Variants in TTC7A observed in about 807,000 individuals in gnomAD.
The protein encoded by TTC7A is tetratricopeptide repeat domain 7A, also known as tetratricopeptide repeat protein 7A.
In TTC7A, 110 loss-of-function variants were observed where a neutral mutation model predicts 103.7. That is an observed-to-expected ratio of 1.06 (90% CI 0.91 to 1.24). The LOEUF is 1.24. Among genes scored for constraint, TTC7A ranks in the 50% most tolerant of loss-of-function variants. The pLI is 0.00. For missense variants in TTC7A, 1,340 were observed against 1,116.3 expected (o/e 1.20, Z -2.86); for synonymous variants, 521 against 467.9 (o/e 1.11, Z -1.47).
At position 47,074,076 on chromosome 2, in the gene TTC7A, G is replaced by A; in HGVS notation, c.*153G>A. The A allele has an allele frequency of 1.6e-6, 1 of 634,140 alleles. No homozygotes were observed. The highest frequency in any genetic ancestry group is 2.7e-5 in the East Asian group (1 of 36,436). The allele number at this position is 634,140 out of a possible 1,614,324, so 39.3% of individuals were successfully genotyped here. A position where few individuals can be genotyped will look rare whatever the true frequency, so the allele number is the denominator to read the frequency against. ...TGCAGCTGCAGCCCTCGTTCTCTTG[G>A]CTGGGCCAAGAGGGCCTTCCTGGAT... On this transcript the variant is annotated 3_prime_UTR_variant, in exon 20 of 20. Coordinates refer to ENST00000319190, the MANE Select transcript of TTC7A (RefSeq NM_020458.4).
At chr2:46,977,933 C>T (rs917388663) in intron 4 of TTC7A, among the ~76,000 whole-genome samples, 1 of 152,170 alleles carries the variant, frequency 6.6e-6, no homozygotes, top group African/African-American at 2.4e-5. Context: ...AAAATGCAAA[C>T]AAAACCAGCC....
At chr2:46,954,502 G>A (rs1207207145) in intron 2 of TTC7A, among the ~76,000 whole-genome samples, 1 of 150,858 alleles carries the variant, frequency 6.6e-6, no homozygotes, top group African/African-American at 2.4e-5. Context: ...CTCTTACTGT[G>A]CTATAACAGA....
chr2:46,916,071 C>G, upstream of TTC7A: 11 of 985,496 alleles, frequency 1.1e-5, no homozygotes, highest in Non-Finnish European at 1.3e-5. Flanking sequence ...GCCGGAAGCC[C>G]TCAGGAACGT....
chr2:47,037,834 T>C (rs1276810048), intron 15 of TTC7A, among the ~76,000 whole-genome samples: 1 of 152,212 alleles, frequency 6.6e-6, no homozygotes, highest in East Asian at 1.9e-4. Flanking sequence ...AATGAAAGTT[T>C]GGGCAAACAT....
rs571203022 is a variant in TTC7A, at chr2:46,918,435, G to C, written c.82+1158G>C. 3.3e-5 allele frequency among the ~76,000 whole-genome samples: 5 copies of C among 152,330 alleles called. No individual in the cohort carries two copies. In the South Asian group the frequency reaches 1.0e-3, roughly 32 times the overall value. On this transcript the variant is annotated intron_variant, in intron 2 of 20. Transcript: ENST00000409245. ...AGAGAGCTTCCTAACTGACCGTCCT[G>C]CTTCCATTCTTGCCCTACTGTAGTC...
chr2:47,053,331 T>TGACTTCC (rs1364162428), intron 18 of TTC7A, among the ~76,000 whole-genome samples: 1 of 150,854 alleles, frequency 6.6e-6, no homozygotes, highest in Non-Finnish European at 1.5e-5. Flanking sequence ...ACTAAAATAA[T>TGACTTCC]GACTTCCAAC....
intron 3 of TTC7A, among the ~76,000 whole-genome samples, chr2:46,966,632 T>C (rs1176211038): frequency 5.3e-5 from 8 of 151,526 alleles, no homozygotes; most frequent in Non-Finnish European, 1.2e-4. Context: ...GAAATGGATA[T>C]CCTTGAAGCT....
intron 2 of TTC7A, among the ~76,000 whole-genome samples, chr2:46,926,644 T>C (rs1669398247): frequency 1.3e-5 from 2 of 152,230 alleles, no homozygotes; most frequent in South Asian, 4.1e-4. Context: ...AAAAAGCAAC[T>C]GGACGTCCTT....
At chr2:46,928,260 A>T (rs1194878890) in intron 2 of TTC7A, among the ~76,000 whole-genome samples, 1 of 151,848 alleles carries the variant, frequency 6.6e-6, no homozygotes, top group Non-Finnish European at 1.5e-5. Context: ...ACACCCATTT[A>T]TCATCTCACA....
chr2:46,951,577 TTCTG>T (rs947608175), intron 2 of TTC7A: 3 of 455,608 alleles, frequency 6.6e-6, no homozygotes, highest in Admixed American at 4.7e-5. Context: ...CTTTCTGTCT[TTCTG>T]TCTGTCTTTA....
chr2:47,036,893 G>C (rs967930996), intron 15 of TTC7A, among the ~76,000 whole-genome samples: 3 of 152,200 alleles, frequency 2.0e-5, no homozygotes, highest in Non-Finnish European at 4.4e-5. Flanking sequence ...ACATGGGTGA[G>C]AGACCATGTG....
At chr2:46,968,359 C>T (rs764018470) in intron 3 of TTC7A, among the ~76,000 whole-genome samples, 9 of 152,206 alleles carry the variant, frequency 5.9e-5, no homozygotes, top group East Asian at 1.9e-4. Flanking sequence ...AAGGACTGGG[C>T]GCAGGGCAGC....
At chr2:46,945,972 A>G (rs6745578) in intron 1 of TTC7A, among the ~76,000 whole-genome samples, 11,317 of 152,182 alleles carry the variant, frequency 0.074, 759 homozygotes, top group African/African-American at 0.16. Flanking sequence ...GGCTAGACCA[A>G]TGTTTCCTGA....
At chr2:47,056,334 G>C (rs188890312) in intron 18 of TTC7A, among the ~76,000 whole-genome samples, 3 of 152,208 alleles carry the variant, frequency 2.0e-5, no homozygotes, top group Non-Finnish European at 2.9e-5. Context: ...AATTCTTTTG[G>C]GGGGACTAAC....
chr2:46,937,434 C>CT (rs1224685619), upstream of TTC7A, among the ~76,000 whole-genome samples: 1 of 152,046 alleles, frequency 6.6e-6, no homozygotes, highest in Non-Finnish European at 1.5e-5. The surrounding 1 kb of genome is among the most constrained non-coding windows in gnomAD (Gnocchi z 4.0). Context: ...TCATTTTTAG[C>CT]TGAAAGCCAT....
At chr2:47,031,650 G>T (rs577454358) in intron 15 of TTC7A, among the ~76,000 whole-genome samples, 13 of 152,322 alleles carry the variant, frequency 8.5e-5, no homozygotes, top group African/African-American at 2.9e-4. Flanking sequence ...CGGGAGCACC[G>T]CTGCTCTGAT....
At chr2:47,032,016 G>A (rs564501767) in intron 15 of TTC7A, among the ~76,000 whole-genome samples, 1 of 152,302 alleles carries the variant, frequency 6.6e-6, no homozygotes, top group Admixed American at 6.5e-5. Context: ...CGGGCAGTGT[G>A]TGCCCCTGCT....
rs200447823 is a variant in TTC7A, at chr2:46,956,932, G to A, written c.442G>A (p.Gly148Arg). ...TGCCATCAGCATGTACGCACGGGCC[G>A]GGATTGATGACATGTCCATGGAGAA... ...RDAISMYARA[G>R]IDDMSMENKP... is the part of the protein sequence containing the mutation. Residue 148 changes from glycine to arginine, a missense_variant, in exon 3 of 20, where the codon GGG becomes AGG. Coordinates refer to ENST00000319190, the MANE Select transcript of TTC7A (RefSeq NM_020458.4). The A allele has an allele frequency of 2.1e-5, 34 of 1,614,086 alleles. No individual in the cohort carries two copies. Among genetic ancestry groups the A allele is most frequent in the East Asian group, 8.9e-5 (4 of 44,892 alleles).
At chr2:46,977,663 C>G (rs1674009978) in intron 4 of TTC7A, among the ~76,000 whole-genome samples, 1 of 152,174 alleles carries the variant, frequency 6.6e-6, no homozygotes, top group Non-Finnish European at 1.5e-5. Flanking sequence ...GTAGAAATAG[C>G]TTGGAATCCA....
Sources: allele counts gnomAD v4.1 joint callset (sites outside exome capture counted in the v4.1 genomes callset), GRCh38; gene constraint gnomAD v4.1.1; non-coding constraint Gnocchi (gnomAD v3.1); transcripts MANE v1.5; gene names NCBI Gene and HGNC (gene_info 2026-07-23, HGNC 2026-07-21).